HADHA: variants seen among roughly 807,000 people sequenced by gnomAD.
HADHA encodes hydroxyacyl-CoA dehydrogenase trifunctional multienzyme complex subunit alpha, also known as trifunctional enzyme subunit alpha, mitochondrial.
Under a neutral mutation model 91.3 loss-of-function variants are expected in HADHA, and 59 were observed. That is an observed-to-expected ratio of 0.65 (90% confidence interval 0.52 to 0.80). The LOEUF is 0.80. Ranked by LOEUF, HADHA falls within the 30% of genes least tolerant of loss-of-function variation. The pLI, the probability that HADHA is intolerant of heterozygous loss-of-function variation, is 0.00. For synonymous variants in HADHA, 320 were observed against 338.9 expected, an observed-to-expected ratio of 0.94 and a Z score of 0.61; for missense variants, 800 against 927.6, an observed-to-expected ratio of 0.86 and a Z score of 1.79.
At chr2:26,216,907 T>C (rs1482264859) in intron 7 of HADHA, among the ~76,000 whole-genome samples, 4 of 151,816 alleles carry the variant, frequency 2.6e-5, no homozygotes, top group Non-Finnish European at 5.9e-5. Flanking sequence ...ATAAAAGGCA[T>C]GAAATGAAGC....
At chr2:26,209,726 G>C in intron 11 of HADHA, 54 bp downstream of exon 11, 2 of 879,998 alleles carry the variant, frequency 2.3e-6, no homozygotes, top group Admixed American at 1.7e-5. Context: ...AAGCCTCTGT[G>C]AACTTTGCAC....
chr2:26,215,196 C>T (rs1288968428), intron 7 of HADHA, 21 bp from the exon 8 acceptor site: 1 of 1,611,816 alleles, frequency 6.2e-7, no homozygotes, highest in Non-Finnish European at 8.5e-7. Flanking sequence ...GAATGCAACA[C>T]TGGAATGCAA....
In HADHA at chr2:26,236,975, C is replaced by T; in HGVS notation, c.194G>A (p.Ser65Asn). The T allele has an allele frequency of 6.2e-7, 1 of 1,609,478 alleles. No individual in the cohort carries two copies. The highest frequency in any genetic ancestry group is 8.5e-7 in the Non-Finnish European group (1 of 1,175,748). ...NSPNSKVNTLSKELHSEFSEV... is the reference protein window; with the variant it reads ...NSPNSKVNTLNKELHSEFSEV... The stretch of plus-strand genomic sequence containing the variant: ...TGAGAACTCTGAATGTAGCTCTTTA[C>T]TCAGTGTATTTACCTGCCAAAGGGA... Residue 65 changes from serine (S) to asparagine (N), a missense_variant, in exon 4 of 20, where the codon AGT (serine) becomes AAT (asparagine). Transcript: ENST00000380649.
At chr2:26,230,382 TA>T in intron 6 of HADHA, 88 bp from the exon 7 acceptor site, 2 of 847,108 alleles carry the variant, frequency 2.4e-6, no homozygotes, top group South Asian at 2.7e-5. Context: ...GAACAAATAT[TA>T]AAATGAGAAA....
intron 17 of HADHA, 60 bp downstream of exon 17, chr2:26,193,517 A>G: frequency 1.5e-6 from 2 of 1,374,158 alleles, no homozygotes; most frequent in Non-Finnish European, 2.1e-6. Flanking sequence ...CTTTGGTCTC[A>G]GGAACTGCTT....
At position 26,214,556 on chromosome 2, in the gene HADHA, T is replaced by C. The variant is rs779884774; in HGVS notation, c.805A>G (p.Thr269Ala). ...KRDKGLVEKL[T>A]AYAMTIPFVR... ...AATGGAATAGTCATGGCATACGCTGTCAATTCTGTAAAATAAAATGCTTTT... is the reference window on the plus strand; with the variant it reads ...AATGGAATAGTCATGGCATACGCTGCCAATTCTGTAAAATAAAATGCTTTT... Residue 269 changes from threonine (T) to alanine (A), a missense_variant, in exon 9 of 20, where the codon ACA becomes GCA. Physicochemically the swap from Thr to Ala is moderately conservative, Grantham distance 58. Transcript: ENST00000380649. The surrounding 1 kb of genome is among the most constrained non-coding windows in gnomAD (Gnocchi z 4.1). 1 of 1,535,736 alleles carries C rather than the reference T, an allele frequency of 6.5e-7. No homozygotes were observed. The highest frequency in any genetic ancestry group is 9.0e-7 in the Non-Finnish European group (1 of 1,108,566).
Position 26,230,189 on chromosome 2 carries a change from T to C in HADHA, c.676+3A>G. On this transcript the variant is annotated splice_donor_region_variant and intron_variant, in intron 7 of 19. Coordinates refer to ENST00000380649, the MANE Select transcript of HADHA (RefSeq NM_000182.5). ...TCTGACTCTGAGATGTGCTAACACT[T>C]ACCCAGGGGTTCCACCAGTTGGTCA... 1.3e-6 allele frequency: 2 copies of C among 1,560,042 alleles called. No homozygotes were observed. The highest frequency in any genetic ancestry group is 1.8e-6 in the Non-Finnish European group (2 of 1,130,662).
rs1257349375 is a variant in HADHA, at chr2:26,221,230, C to T, written c.677-6055G>A. 1.3e-5 allele frequency among the ~76,000 whole-genome samples: 2 copies of T among 152,164 alleles called. No individual in the cohort carries two copies. Among genetic ancestry groups the T allele is most frequent in the Non-Finnish European group, 2.9e-5 (2 of 68,030 alleles). On this transcript the variant is annotated intron_variant, in intron 7 of 19. Coordinates refer to ENST00000380649, the MANE Select transcript of HADHA (RefSeq NM_000182.5). This position sits in a 1 kb window ranked among gnomAD's most constrained non-coding sequence, Gnocchi z 4.8. ...AGAAGCTGTTCTGCCATTTGGGCCA[C>T]GTGATTCAAACCTGATGGCGCCTGA...
At chr2:26,200,110 G>C (rs1250663013) in intron 13 of HADHA, among the ~76,000 whole-genome samples, 1 of 152,196 alleles carries the variant, frequency 6.6e-6, no homozygotes, top group Non-Finnish European at 1.5e-5. Flanking sequence ...GGTTTTGTTA[G>C]CTCTATGGGC....
At chr2:26,237,734 T>C (rs141657709) in intron 3 of HADHA, among the ~76,000 whole-genome samples, 74 of 152,370 alleles carry the variant, frequency 4.9e-4, no homozygotes, top group African/African-American at 1.6e-3. Flanking sequence ...TGTGGTTATC[T>C]TTAGGTTTGA....
chr2:26,236,772 T>C (rs1234813490), intron 4 of HADHA, 83 bp downstream of exon 4: 4 of 1,109,426 alleles, frequency 3.6e-6, no homozygotes, highest in Non-Finnish European at 5.5e-6. Flanking sequence ...ACTTCTACTT[T>C]CTTTTAAAAG....
At position 26,208,528 on chromosome 2, in the gene HADHA, A is replaced by C. The variant is rs143466911; in HGVS notation, c.1085+1252T>G. Among the ~76,000 whole-genome samples the C allele has an allele frequency of 2.8e-3, 422 of 152,284 alleles. 2 individuals are homozygous for C. The highest frequency in any genetic ancestry group is 9.8e-3 in the African/African-American group (408 of 41,554). ...CTTTAATTGACAGCATTCTTTGTGTACATGGAGGGATACGGTGGGGAGGGG... is the reference window on the plus strand; with the variant it reads ...CTTTAATTGACAGCATTCTTTGTGTCCATGGAGGGATACGGTGGGGAGGGG... On this transcript the variant is annotated intron_variant, in intron 11 of 19. Transcript: ENST00000380649.
At chr2:26,231,594 A>G (rs1020923277) in intron 6 of HADHA, among the ~76,000 whole-genome samples, 2 of 152,172 alleles carry the variant, frequency 1.3e-5, no homozygotes, top group African/African-American at 4.8e-5. Context: ...ATTAAACCAT[A>G]AGCTCCAGAA....
chr2:26,193,885 AC>A, intron 16 of HADHA, 113 bp from the exon 17 acceptor site: 1 of 815,516 alleles, frequency 1.2e-6, no homozygotes, highest in South Asian at 1.5e-5. Context: ...TCTGAGTGTC[AC>A]CTGACCAGGC....
In HADHA at chr2:26,214,634, C is replaced by A; in HGVS notation, c.800-73G>T. ...CCCTTGTTAGTTTATGCTCTAAACTCTATAAAAATGAAGTAATTCTAGCTA... is the reference window on the plus strand; with the variant it reads ...CCCTTGTTAGTTTATGCTCTAAACTATATAAAAATGAAGTAATTCTAGCTA... On this transcript the variant is annotated intron_variant, in intron 8 of 19. Transcript: ENST00000380649. This position sits in a 1 kb window ranked among gnomAD's most constrained non-coding sequence, Gnocchi z 4.1. 1.2e-6 allele frequency: 1 copy of A among 834,228 alleles called. No homozygotes were observed. Among genetic ancestry groups the A allele is most frequent in the East Asian group, 2.4e-5 (1 of 41,268 alleles). The allele number at this position is 834,228 out of a possible 1,614,324, so 51.7% of individuals were successfully genotyped here. A position where few individuals can be genotyped will look rare whatever the true frequency, so the allele number is the denominator to read the frequency against.
rs769504502 is a variant in HADHA, at chr2:26,191,319, T to C, written c.2223A>G (p.Gly741=). ...DRLKKYEAAY[G]KQFTPCQLLA... is the part of the protein sequence containing the mutation. The stretch of plus-strand genomic sequence containing the variant: ...GCAGCTGGCATGGGGTGAACTGTTT[T>C]CCATAGGCAGCTTCATATTTCTTGA... Residue 741 remains glycine, a synonymous_variant, in exon 20 of 20, where the codon GGA becomes GGG. Transcript: ENST00000380649. The C allele has an allele frequency of 1.2e-6, 2 of 1,613,924 alleles. No individual in the cohort carries two copies. The highest frequency in any genetic ancestry group is 2.2e-5 in the South Asian group (2 of 91,060).
chr2:26,202,027 C>T (rs1271423990), intron 12 of HADHA, among the ~76,000 whole-genome samples: 1 of 151,024 alleles, frequency 6.6e-6, no homozygotes, highest in African/African-American at 2.4e-5. Flanking sequence ...TCTTGAACTC[C>T]TGACCTCGTG....
Position 26,230,267 on chromosome 2 carries a change from T to C in HADHA, c.601A>G (p.Met201Val), listed in dbSNP as rs760410350. 1.2e-6 allele frequency: 2 copies of C among 1,613,574 alleles called. No homozygotes were observed. The highest frequency in any genetic ancestry group is 1.7e-6 in the Non-Finnish European group (2 of 1,179,586). ...MVGVPAALDM[M>V]LTGRSIRADR... ...GCACGAATGCTTCTACCAGTCAGCA[T>C]CATGTCCAAAGCAGCAGGCACACCC... Residue 201 changes from methionine (M) to valine (V), a missense_variant, in exon 7 of 20, where the codon ATG becomes GTG. Physicochemically the swap from Met to Val is conservative, Grantham distance 21. Transcript: ENST00000380649.
intron 4 of HADHA, among the ~76,000 whole-genome samples, chr2:26,236,362 T>TAC: frequency 7.2e-6 from 1 of 138,988 alleles, no homozygotes. Flanking sequence ...TGTGTGTGTA[T>TAC]ATATATATAT....
Sources: gnomAD v4.1 joint callset for allele counts (sites outside exome capture counted in the v4.1 genomes callset) on GRCh38, gnomAD v4.1.1 for gene constraint, Gnocchi (gnomAD v3.1) non-coding constraint, MANE v1.5 for transcripts, NCBI Gene and HGNC (gene_info 2026-07-23, HGNC 2026-07-21) for gene names.